AKT3: variants seen among roughly 807,000 people sequenced by gnomAD.
The protein encoded by AKT3 is AKT serine/threonine kinase 3.
A neutral mutation model predicts 65.3 loss-of-function variants in AKT3; 15 were observed. That is an observed-to-expected ratio of 0.23 (90% CI 0.15 to 0.35). The LOEUF (loss-of-function observed/expected upper bound fraction) is 0.35. Ranked by LOEUF, AKT3 falls within the 10% of genes least tolerant of loss-of-function variation. The pLI, the probability that AKT3 is intolerant of heterozygous loss-of-function variation, is 1.00. For missense variants in AKT3, 243 were observed against 576.5 expected (o/e 0.42, Z 5.92); for synonymous variants, 206 against 183.8 (o/e 1.12, Z -0.98).
chr1:243,803,298 C>T (rs1417870605), intron 2 of AKT3, among the ~76,000 whole-genome samples: 2 of 152,140 alleles, frequency 1.3e-5, no homozygotes, highest in East Asian at 3.9e-4. Context: ...GCTGTACCTT[C>T]TCTTCCATCA....
Position 243,545,598 on chromosome 1 carries a change from C to T in AKT3, c.1164-1G>A, listed in dbSNP as rs12083401. ...TGCATCATCTGGTCCTCCACCAAGG[C>T]TATGAGAACAGAAATAAAATTAAGT... On this transcript the variant is annotated splice_acceptor_variant, in intron 11 of 13. Coordinates refer to ENST00000673466, the MANE Select transcript of AKT3 (RefSeq NM_005465.7). LOFTEE classifies it high-confidence loss of function. The T allele has an allele frequency of 1.2e-6, 2 of 1,603,996 alleles. No individual in the cohort carries two copies. The highest frequency in any genetic ancestry group is 1.7e-6 in the Non-Finnish European group (2 of 1,171,912).
At chr1:243,737,037 C>T (rs540435791) in intron 2 of AKT3, among the ~76,000 whole-genome samples, 1 of 152,304 alleles carries the variant, frequency 6.6e-6, no homozygotes, top group African/African-American at 2.4e-5. Context: ...ACTTTCACTT[C>T]CAGAAAGGTG....
chr1:243,752,019 A>G (rs1166601869), intron 2 of AKT3, among the ~76,000 whole-genome samples: 1 of 152,190 alleles, frequency 6.6e-6, no homozygotes, highest in African/African-American at 2.4e-5. Context: ...TTGGCTAGCC[A>G]ATCACAGCCA....
intron 5 of AKT3, among the ~76,000 whole-genome samples, chr1:243,642,800 A>G (rs1680536832): frequency 6.6e-6 from 1 of 152,220 alleles, no homozygotes; most frequent in Non-Finnish European, 1.5e-5. Context: ...AATGTGTTCA[A>G]ATCAGGCACA....
At chr1:243,663,364 G>C (rs1309107120) in intron 4 of AKT3, among the ~76,000 whole-genome samples, 1 of 151,984 alleles carries the variant, frequency 6.6e-6, no homozygotes. Context: ...ATGGATTATG[G>C]GTGGACATAT....
At chr1:243,851,057 C>A (rs1254608149), upstream of AKT3, 1 of 152,372 alleles carries the variant, frequency 6.6e-6, no homozygotes, top group Non-Finnish European at 1.5e-5. Flanking sequence ...ACCTGGAAGC[C>A]CACGAAGTGG....
rs571913373 is a variant in AKT3 at position 243,775,005 on chromosome 1, G to A, written c.46+68120C>T. Among the ~76,000 whole-genome samples the A allele has an allele frequency of 8.7e-4, 132 of 152,284 alleles. 1 individual carries two copies. The highest frequency in any genetic ancestry group is 3.0e-3 in the African/African-American group (123 of 41,554). ...AGCCACCTGAGTAGCTAGGACTACAGGTGTGTGCCACCACGCCTAGCTAAT... is the reference window on the plus strand; with the variant it reads ...AGCCACCTGAGTAGCTAGGACTACAAGTGTGTGCCACCACGCCTAGCTAAT... On this transcript the variant is annotated intron_variant, in intron 2 of 13. Coordinates refer to ENST00000673466, the MANE Select transcript of AKT3 (RefSeq NM_005465.7).
chr1:243,577,910 T>C (rs949038865), intron 8 of AKT3, among the ~76,000 whole-genome samples: 8 of 152,178 alleles, frequency 5.3e-5, no homozygotes, highest in African/African-American at 1.9e-4. Context: ...AAGACATTTA[T>C]GTGACCAACA....
chr1:243,789,577 T>C (rs1435018956), intron 2 of AKT3, among the ~76,000 whole-genome samples: 9 of 152,160 alleles, frequency 5.9e-5, no homozygotes, highest in Admixed American at 5.2e-4. Flanking sequence ...TCCATGAGGG[T>C]TGAAATTCAA....
chr1:243,635,996 G>A (rs997250736), intron 6 of AKT3, among the ~76,000 whole-genome samples: 9 of 152,024 alleles, frequency 5.9e-5, no homozygotes, highest in Non-Finnish European at 1.2e-4. Context: ...TGAAATATAC[G>A]TAGTTCTGTA....
intron 2 of AKT3, among the ~76,000 whole-genome samples, chr1:243,819,792 G>C (rs977765645): frequency 6.6e-6 from 1 of 152,244 alleles, no homozygotes; most frequent in African/African-American, 2.4e-5. Context: ...AGAGGAAGGA[G>C]TAGGCAGCCA....
chr1:243,566,587 GA>G (rs1351656583), intron 9 of AKT3, among the ~76,000 whole-genome samples: 6 of 152,178 alleles, frequency 3.9e-5, no homozygotes, highest in African/African-American at 1.4e-4. Flanking sequence ...GAGCAAAATG[GA>G]TAAGACTATG....
intron 3 of AKT3, among the ~76,000 whole-genome samples, chr1:243,671,690 G>A (rs777493298): frequency 7.2e-5 from 11 of 152,154 alleles, no homozygotes; most frequent in Non-Finnish European, 1.2e-4. Flanking sequence ...TGATCACTAC[G>A]TTCCAAGCAC....
chr1:243,831,546 A>C (rs1381402001), intron 2 of AKT3, among the ~76,000 whole-genome samples: 2 of 152,240 alleles, frequency 1.3e-5, no homozygotes, highest in South Asian at 2.1e-4. Context: ...ACACATCAAA[A>C]GGTAATGTGA....
chr1:243,675,314 C>T (rs1252624166), intron 3 of AKT3, among the ~76,000 whole-genome samples: 1 of 152,194 alleles, frequency 6.6e-6, no homozygotes, highest in Non-Finnish European at 1.5e-5. Context: ...ATTCTCCTGC[C>T]TCAGCCTCCT....
downstream of AKT3, among the ~76,000 whole-genome samples, chr1:243,499,006 C>G (rs570634423): frequency 5.7e-4 from 87 of 152,322 alleles, no homozygotes; most frequent in Non-Finnish European, 1.1e-3. Context: ...AGTAGAAACT[C>G]CAGACATGCT....
intron 2 of AKT3, among the ~76,000 whole-genome samples, chr1:243,775,129 T>A (rs979937482): frequency 6.6e-6 from 1 of 152,162 alleles, no homozygotes; most frequent in Non-Finnish European, 1.5e-5. Flanking sequence ...TCCCAGAGTG[T>A]TGGCATTACA....
chr1:243,803,362 C>T (rs764667412), intron 2 of AKT3, among the ~76,000 whole-genome samples: 1 of 151,998 alleles, frequency 6.6e-6, no homozygotes, highest in African/African-American at 2.4e-5. Context: ...AAGTGGGGGA[C>T]AGGATGGTTG....
intron 9 of AKT3, among the ~76,000 whole-genome samples, chr1:243,564,686 A>G (rs1674026949): frequency 6.6e-6 from 1 of 152,178 alleles, no homozygotes; most frequent in Non-Finnish European, 1.5e-5. Context: ...AAAGATACAG[A>G]TGAGTTCTGA....
Sources: allele counts gnomAD v4.1 joint callset (sites outside exome capture counted in the v4.1 genomes callset), GRCh38; gene constraint gnomAD v4.1.1; transcripts MANE v1.5; gene names NCBI Gene and HGNC (gene_info 2026-07-23, HGNC 2026-07-21).